The following PTPN11 variants were observed in gnomAD, a reference collection of about 807,000 sequenced individuals.
PTPN11 encodes the protein protein tyrosine phosphatase non-receptor type 11, also known as tyrosine-protein phosphatase non-receptor type 11.
A neutral mutation model predicts 78.8 loss-of-function variants in PTPN11; 6 were observed. That is an observed-to-expected ratio of 0.08 (90% CI 0.04 to 0.15). The LOEUF is 0.15. PTPN11 is among the 10% of genes least tolerant of loss of function. PTPN11 has a pLI of 1.00. For missense variants in PTPN11, 386 were observed against 744.8 expected, an observed-to-expected ratio of 0.52 and a Z score of 5.61; for synonymous variants, 221 against 263.5, an observed-to-expected ratio of 0.84 and a Z score of 1.56.
chr12:112,421,152 A>G (rs2037517307), intron 1 of PTPN11, among the ~76,000 whole-genome samples: 1 of 152,232 alleles, frequency 6.6e-6, no homozygotes, highest in African/African-American at 2.4e-5. Flanking sequence ...TGCACCACCC[A>G]AAAAGCCGGG....
intron 1 of PTPN11, among the ~76,000 whole-genome samples, chr12:112,439,800 AAC>A (rs2037854414): frequency 1.3e-4 from 20 of 151,020 alleles, no homozygotes; most frequent in Admixed American, 1.3e-3. Flanking sequence ...AAAAAACAAA[AAC>A]AAAAAAAAAA....
At chr12:112,493,107 G>A (rs2038773175) in intron 13 of PTPN11, among the ~76,000 whole-genome samples, 1 of 150,638 alleles carries the variant, frequency 6.6e-6, no homozygotes, top group African/African-American at 2.4e-5. Context: ...CACTAAGGCT[G>A]GAGTGCAGTG....
chr12:112,441,782 C>CTT (rs879452095), intron 1 of PTPN11, among the ~76,000 whole-genome samples: 3 of 144,680 alleles, frequency 2.1e-5, no homozygotes, highest in Non-Finnish European at 3.1e-5. Flanking sequence ...TGAAGAATAT[C>CTT]TTTTTTTTTT....
At position 112,477,776 on chromosome 12, in the gene PTPN11, C is replaced by G. The variant is rs764253705; in HGVS notation, c.933+46C>G. The G allele has an allele frequency of 1.0e-5, 16 of 1,604,724 alleles. 1 individual carries two copies. The South Asian group carries it at 1.8e-4, about 18-fold the overall frequency. On this transcript the variant is annotated intron_variant, in intron 8 of 15. Coordinates refer to ENST00000351677, the MANE Select transcript of PTPN11 (RefSeq NM_002834.5). Reference sequence around the variant, plus strand: ...TGTTTTCTGACCATACATTTCTAGCCTATTTTTGTATTTTAAATCCTTCCT... The same window carrying G: ...TGTTTTCTGACCATACATTTCTAGCGTATTTTTGTATTTTAAATCCTTCCT...
At position 112,454,603 on chromosome 12, in the gene PTPN11, T is replaced by G. The variant is rs79068130; in HGVS notation, c.565T>G (p.Ser189Ala). The change falls in exon 5 of 16, where the codon TCT becomes GCT. Residue 189 changes from serine to alanine, a missense_variant. By Grantham distance (99) the Ser-to-Ala change is moderately conservative. Transcript: ENST00000351677. ...YDVGGGERFD[S>A]LTDLVEHYKK... is the part of the protein sequence containing the mutation. ...CGTTGGTGGAGGAGAACGGTTTGAT[T>G]CTTTGACAGATCTTGTGGAACATTA... 1 of 1,613,874 alleles carries G rather than the reference T, an allele frequency of 6.2e-7. No individual in the cohort carries two copies. Among genetic ancestry groups the G allele is most frequent in the Non-Finnish European group, 8.5e-7 (1 of 1,179,838 alleles).
At chr12:112,479,804 G>A (rs1170082629) in intron 9 of PTPN11, among the ~76,000 whole-genome samples, 1 of 152,104 alleles carries the variant, frequency 6.6e-6, no homozygotes, top group Non-Finnish European at 1.5e-5. Context: ...AGCTCTCCTG[G>A]ATAGACAGGC....
At position 112,441,708 on chromosome 12, in the gene PTPN11, G is replaced by T. The variant is rs557830745; in HGVS notation, c.15-4568G>T. ...TCAGAGCATTCTATTAGCTTAGAAAGGTCCAGGATAATTTGACTTTAGAAG... is the reference window on the plus strand; with the variant it reads ...TCAGAGCATTCTATTAGCTTAGAAATGTCCAGGATAATTTGACTTTAGAAG... On this transcript the variant is annotated intron_variant, in intron 1 of 15. Coordinates refer to ENST00000351677, the MANE Select transcript of PTPN11 (RefSeq NM_002834.5). Among the ~76,000 whole-genome samples, 20 of 152,282 alleles carry T rather than the reference G, an allele frequency of 1.3e-4. 1 individual carries two copies. The highest frequency in any genetic ancestry group is 4.6e-4 in the African/African-American group (19 of 41,562).
rs184960542 is a variant in PTPN11, at chr12:112,456,930, T to A, written c.756+867T>A. On this transcript the variant is annotated intron_variant, in intron 6 of 15. Transcript: ENST00000351677. ...TAAGTGAACTGATTTCTTTTTTTTT[T>A]AAATTATTTTTGTTGATTATACTTT... Among the ~76,000 whole-genome samples, 361 of 152,188 alleles carry A rather than the reference T, an allele frequency of 2.4e-3. 3 individuals carry two copies. The highest frequency in any genetic ancestry group is 7.6e-3 in the African/African-American group (315 of 41,538).
chr12:112,486,412 G>A lies in PTPN11; in HGVS notation c.1225-63G>A, dbSNP rs141247150. 5.1e-4 allele frequency: 756 copies of A among 1,491,174 alleles called. 12 individuals carry two copies. The highest frequency in any genetic ancestry group is 4.6e-3 in the East Asian group (202 of 44,262). 92.4% of individuals were successfully genotyped at this position (1,491,174 alleles called of 1,614,324 possible). On this transcript the variant is annotated intron_variant, in intron 10 of 15. Transcript: ENST00000351677. ...ATTGGATTTAGGAAAGCTTAGAACC[G>A]GGTGATTCCTCAACCTCTTGATTTA...
intron 1 of PTPN11, among the ~76,000 whole-genome samples, chr12:112,420,308 A>G (rs1299965783): frequency 6.6e-6 from 1 of 151,994 alleles, no homozygotes; most frequent in African/African-American, 2.4e-5. Context: ...AAAACGATTC[A>G]AGCTATTGAG....
rs1268786410 is a variant in PTPN11 at position 112,506,477 on chromosome 12, T to C, written c.*685T>C. 1.3e-5 allele frequency: 2 copies of C among 152,118 alleles called. No individual in the cohort carries two copies. Among genetic ancestry groups the C allele is most frequent in the Non-Finnish European group, 2.9e-5 (2 of 68,020 alleles). The allele number at this position is 152,118 out of a possible 1,614,324, so 9.4% of individuals were successfully genotyped here. A position where few individuals can be genotyped will look rare whatever the true frequency, so the allele number is the denominator to read the frequency against. On this transcript the variant is annotated 3_prime_UTR_variant, in exon 16 of 16. Coordinates refer to ENST00000351677, the MANE Select transcript of PTPN11 (RefSeq NM_002834.5). ...TTTTCCAGCCGTTGACCAATTATAGTTCGGCTGTTGACTGAGAAGTTTGTG... is the reference window on the plus strand; with the variant it reads ...TTTTCCAGCCGTTGACCAATTATAGCTCGGCTGTTGACTGAGAAGTTTGTG...
chr12:112,469,977 A>G (rs1305623868), intron 6 of PTPN11, among the ~76,000 whole-genome samples: 2 of 152,056 alleles, frequency 1.3e-5, no homozygotes, highest in Non-Finnish European at 2.9e-5. Flanking sequence ...TCTGGTCTGC[A>G]GTGGTGCAAT....
At chr12:112,423,154 G>A (rs2037550879) in intron 1 of PTPN11, among the ~76,000 whole-genome samples, 1 of 152,190 alleles carries the variant, frequency 6.6e-6, no homozygotes, top group Non-Finnish European at 1.5e-5. Context: ...ATGTGTATAT[G>A]TGACGCTCTT....
intron 6 of PTPN11, among the ~76,000 whole-genome samples, chr12:112,470,649 C>T (rs534504718): frequency 2.8e-4 from 43 of 152,054 alleles, no homozygotes; most frequent in African/African-American, 1.0e-3. Flanking sequence ...CCTGCCACCG[C>T]CCCCCCACCT....
chr12:112,429,490 T>C (rs2037676372), intron 1 of PTPN11, among the ~76,000 whole-genome samples: 1 of 147,592 alleles, frequency 6.8e-6, no homozygotes, highest in South Asian at 2.1e-4. Flanking sequence ...ACTTTTTTTT[T>C]TTTTTTTTTT....
At chr12:112,455,579 C>T (rs980073191) in intron 5 of PTPN11, among the ~76,000 whole-genome samples, 19 of 152,268 alleles carry the variant, frequency 1.2e-4, no homozygotes, top group African/African-American at 4.3e-4. Context: ...TATAGATCCA[C>T]TTCTGGTTAC....
In PTPN11 at chr12:112,482,291, T is replaced by A; in HGVS notation, c.1224+86T>A. On this transcript the variant is annotated intron_variant, in intron 10 of 15. Coordinates refer to ENST00000351677, the MANE Select transcript of PTPN11 (RefSeq NM_002834.5). The surrounding 1 kb of genome is among the most constrained non-coding windows in gnomAD (Gnocchi z 4.4). ...GGTCTTGCCGTTACTCATGTTTGCA[T>A]ACATGCATGCATTCGCTCACTCATT... 2 of 1,444,512 alleles carry A rather than the reference T, an allele frequency of 1.4e-6. No individual in the cohort carries two copies. The highest frequency in any genetic ancestry group is 1.9e-6 in the Non-Finnish European group (2 of 1,030,696). The allele number at this position is 1,444,512 out of a possible 1,614,324, so 89.5% of individuals were successfully genotyped here. A position where few individuals can be genotyped will look rare whatever the true frequency, so the allele number is the denominator to read the frequency against.
chr12:112,423,817 G>T (rs1358814933), intron 1 of PTPN11, among the ~76,000 whole-genome samples: 1 of 147,376 alleles, frequency 6.8e-6, no homozygotes, highest in African/African-American at 2.5e-5. Flanking sequence ...CATAATCTTG[G>T]CTCACTGCAG....
At chr12:112,447,210 C>G (rs1438775778) in intron 2 of PTPN11, among the ~76,000 whole-genome samples, 4 of 152,052 alleles carry the variant, frequency 2.6e-5, no homozygotes, top group Admixed American at 6.6e-5. Flanking sequence ...TTAAGAGTTT[C>G]TTCAGATCAC....
Sources: allele counts gnomAD v4.1 joint callset (sites outside exome capture counted in the v4.1 genomes callset), GRCh38; gene constraint gnomAD v4.1.1; non-coding constraint Gnocchi (gnomAD v3.1); transcripts MANE v1.5; gene names NCBI Gene and HGNC (gene_info 2026-07-23, HGNC 2026-07-21).